Variants in NR3C2 observed in about 807,000 individuals in gnomAD.
The protein encoded by NR3C2 is nuclear receptor subfamily 3 group C member 2, also known as mineralocorticoid receptor.
In NR3C2, 15 loss-of-function variants were observed where a neutral mutation model predicts 86.4. The ratio of observed to expected loss-of-function variants is 0.17; its 90% CI spans 0.12 to 0.27. The LOEUF (loss-of-function observed/expected upper bound fraction) is 0.27, where lower values mean the gene tolerates loss of function less well. Among genes scored for constraint, NR3C2 ranks in the 10% least tolerant of loss-of-function variants. NR3C2 has a pLI of 1.00. For missense variants in NR3C2, 960 were observed against 1,195.6 expected (o/e 0.80, Z 2.91); for synonymous variants, 458 against 450.5 (o/e 1.02, Z -0.21).
intron 4 of NR3C2, among the ~76,000 whole-genome samples, chr4:148,155,251 T>C (rs1218023017): frequency 2.6e-5 from 4 of 152,196 alleles, no homozygotes; most frequent in African/African-American, 9.7e-5. Context: ...TTAAGAAATG[T>C]ACCACCAACT....
intron 2 of NR3C2, among the ~76,000 whole-genome samples, chr4:148,396,777 C>T (rs56086073): frequency 0.034 from 5,102 of 152,206 alleles, 281 homozygotes; most frequent in African/African-American, 0.11. Flanking sequence ...CTCTAATAAA[C>T]TCTGAATAAT....
chr4:148,186,420 A>G (rs567327135), intron 4 of NR3C2, among the ~76,000 whole-genome samples: 8 of 152,130 alleles, frequency 5.3e-5, no homozygotes, highest in African/African-American at 1.9e-4. Flanking sequence ...AGGCCTTTGC[A>G]GTAATATTTG....
chr4:148,369,746 T>C (rs1746322682), intron 2 of NR3C2, among the ~76,000 whole-genome samples: 1 of 152,164 alleles, frequency 6.6e-6, no homozygotes, highest in African/African-American at 2.4e-5. Context: ...TCTGGCAGGA[T>C]CTTAAAGAGG....
At chr4:148,199,482 C>T (rs1479472103) in intron 3 of NR3C2, among the ~76,000 whole-genome samples, 1 of 151,974 alleles carries the variant, frequency 6.6e-6, no homozygotes, top group Non-Finnish European at 1.5e-5. Flanking sequence ...TAATTTATTA[C>T]TTAGTATCAA....
At chr4:148,418,609 GTAAT>G (rs1405594170) in intron 2 of NR3C2, among the ~76,000 whole-genome samples, 1 of 152,128 alleles carries the variant, frequency 6.6e-6, no homozygotes. Context: ...TCTCATATGA[GTAAT>G]TATTTACCCA....
At chr4:148,255,675 A>G (rs1156307756) in intron 3 of NR3C2, among the ~76,000 whole-genome samples, 1 of 152,224 alleles carries the variant, frequency 6.6e-6, no homozygotes, top group Non-Finnish European at 1.5e-5. Context: ...CAGACACTGC[A>G]TACATACTGA....
At chr4:148,176,909 T>C (rs1046826756) in intron 4 of NR3C2, among the ~76,000 whole-genome samples, 7 of 152,242 alleles carry the variant, frequency 4.6e-5, no homozygotes, top group African/African-American at 1.7e-4. Context: ...TTCATTCCCA[T>C]TTAAAATATT....
chr4:148,254,073 T>TTACTATC lies in NR3C2; in HGVS notation c.1897+5898_1897+5904dup, dbSNP rs1187783028. On this transcript the variant is annotated intron_variant, in intron 3 of 8. Coordinates refer to ENST00000358102, the MANE Select transcript of NR3C2 (RefSeq NM_000901.5). ...TGTCCATGCTACTTTTCAGATGGTC[T>TTACTATC]TACTATCTGCCCGCCCTCTCAATCC... is the stretch of plus-strand genomic sequence containing the variant. Among the ~76,000 whole-genome samples the TTACTATC allele has an allele frequency of 2.0e-5, 3 of 152,088 alleles. No homozygotes were observed. The East Asian group carries it at 5.8e-4, about 29-fold the overall frequency.
chr4:148,185,578 C>T (rs1401446564), intron 4 of NR3C2, among the ~76,000 whole-genome samples: 2 of 152,092 alleles, frequency 1.3e-5, no homozygotes, highest in East Asian at 3.8e-4. Context: ...AATTCAAAGG[C>T]ACAGAAGGAT....
At position 148,178,932 on chromosome 4, in the gene NR3C2, T is replaced by TAA. The variant is rs58576220; in HGVS notation, c.2014+15812_2014+15813dup. Among the ~76,000 whole-genome samples, 332 of 95,276 alleles carry TAA rather than the reference T, an allele frequency of 3.5e-3. 1 individual carries two copies. The highest frequency in any genetic ancestry group is 0.01 in the African/African-American group (285 of 27,722). The allele number at this position is 95,276 out of a possible 152,430, so 62.5% of individuals were successfully genotyped here. ...AGTGAAAATAGCAGAAAGAAGCAGG[T>TAA]AAAAAAAAAAAAAAACAAAAAAAAA... is the stretch of plus-strand genomic sequence containing the variant. On this transcript the variant is annotated intron_variant, in intron 4 of 8. Transcript: ENST00000358102.
intron 2 of NR3C2, among the ~76,000 whole-genome samples, chr4:148,405,433 T>C (rs116820882): frequency 1.8e-4 from 28 of 152,314 alleles, no homozygotes; most frequent in African/African-American, 6.7e-4. Context: ...TCACCTCTTG[T>C]TATATCCACA....
intron 3 of NR3C2, among the ~76,000 whole-genome samples, chr4:148,227,787 A>G (rs1197527032): frequency 6.6e-6 from 1 of 152,110 alleles, no homozygotes; most frequent in Non-Finnish European, 1.5e-5. Context: ...ACCCACCAGG[A>G]GTTTCTTCAG....
chr4:148,172,386 T>C (rs188085602), intron 4 of NR3C2, among the ~76,000 whole-genome samples: 3 of 152,340 alleles, frequency 2.0e-5, no homozygotes, highest in East Asian at 3.9e-4. Flanking sequence ...TATAAGCCTT[T>C]CCTGCAGTAT....
At chr4:148,365,817 G>C (rs1201605471) in intron 2 of NR3C2, among the ~76,000 whole-genome samples, 4 of 152,052 alleles carry the variant, frequency 2.6e-5, no homozygotes, top group African/African-American at 9.7e-5. Flanking sequence ...TCAGATATTA[G>C]TGAAAATACA....
chr4:148,105,506 A>G (rs925503420), intron 8 of NR3C2, among the ~76,000 whole-genome samples: 3 of 152,212 alleles, frequency 2.0e-5, no homozygotes, highest in African/African-American at 7.2e-5. Context: ...AAAAGAGGGA[A>G]TCCTCTGTAA....
intron 2 of NR3C2, among the ~76,000 whole-genome samples, chr4:148,344,191 AG>A: frequency 6.6e-6 from 1 of 152,288 alleles, no homozygotes; most frequent in East Asian, 1.9e-4. Context: ...GGCCATTTGC[AG>A]GTTTATATTT....
chr4:148,346,075 CAA>C, intron 2 of NR3C2, among the ~76,000 whole-genome samples: 1 of 151,974 alleles, frequency 6.6e-6, no homozygotes. Flanking sequence ...TGAAGGAAAG[CAA>C]AGATAGCTGA....
intron 3 of NR3C2, among the ~76,000 whole-genome samples, chr4:148,256,958 A>G (rs923132117): frequency 2.6e-5 from 4 of 152,196 alleles, no homozygotes; most frequent in African/African-American, 9.6e-5. Flanking sequence ...AGTCACTGCT[A>G]TGCTATTATA....
intron 6 of NR3C2, among the ~76,000 whole-genome samples, chr4:148,136,082 A>C (rs1437838338): frequency 3.4e-5 from 5 of 145,602 alleles, no homozygotes; most frequent in Non-Finnish European, 7.5e-5. Flanking sequence ...AAAAACAAAA[A>C]AAAAAAACAC....
Sources: allele counts gnomAD v4.1 joint callset (sites outside exome capture counted in the v4.1 genomes callset), GRCh38; gene constraint gnomAD v4.1.1; transcripts MANE v1.5; gene names NCBI Gene and HGNC (gene_info 2026-07-23, HGNC 2026-07-21).